CHAF1A: variants seen among roughly 807,000 people sequenced by gnomAD.
The protein encoded by CHAF1A is CAF-1 subunit A.
In CHAF1A, 5 loss-of-function variants were observed where a neutral mutation model predicts 93.2. The observed-to-expected ratio is 0.05, with a 90% CI of 0.03 to 0.11. The LOEUF (loss-of-function observed/expected upper bound fraction) is 0.11, where lower values mean the gene tolerates loss of function less well. Among genes scored for constraint, CHAF1A ranks in the 10% least tolerant of loss-of-function variants. The pLI is 1.00. For synonymous variants in CHAF1A, 504 were observed against 510.3 expected, an observed-to-expected ratio of 0.99 and a Z score of 0.17; for missense variants, 1,102 against 1,259.9, an observed-to-expected ratio of 0.87 and a Z score of 1.90.
At chr19:4,414,262 A>T (rs973867441) in intron 3 of CHAF1A, among the ~76,000 whole-genome samples, 1 of 152,030 alleles carries the variant, frequency 6.6e-6, no homozygotes, top group Non-Finnish European at 1.5e-5. Context: ...ATAGCGGGGC[A>T]TGGGGGTGCA....
intron 10 of CHAF1A, chr19:4,430,278 A>G: frequency 2.5e-6 from 1 of 395,010 alleles, no homozygotes; most frequent in South Asian, 2.4e-5. Flanking sequence ...CCCAGGCTCA[A>G]GTGATAGTCC....
intron 1 of CHAF1A, among the ~76,000 whole-genome samples, chr19:4,403,403 A>G (rs1209665921): frequency 1.3e-5 from 2 of 152,202 alleles, no homozygotes; most frequent in Non-Finnish European, 2.9e-5. Flanking sequence ...GCCTCCTGAA[A>G]CGTGGGAGGG....
rs765537540 is a variant in CHAF1A, at chr19:4,433,116, C to T, written c.2250C>T (p.Ser750=). Reference sequence around the variant, plus strand: ...TCCTGCACGGCAATGTGAACGGGAGCAAGGTCATCATCCGGGAGTTCCAGG... The same window carrying T: ...TCCTGCACGGCAATGTGAACGGGAGTAAGGTCATCATCCGGGAGTTCCAGG... ...LPLLHGNVNG[S]KVIIREFQEH... Residue 750 remains serine, a synonymous_variant, in exon 13 of 15, where the codon AGC becomes AGT. Transcript: ENST00000301280. This position sits in a 1 kb window ranked among gnomAD's most constrained non-coding sequence, Gnocchi z 5.6. The T allele has an allele frequency of 5.6e-6, 9 of 1,609,188 alleles. No homozygotes were observed. The Admixed American group carries it at 1.5e-4, about 27-fold the overall frequency.
chr19:4,413,545 G>T (rs1039029705), intron 3 of CHAF1A, among the ~76,000 whole-genome samples: 2 of 152,202 alleles, frequency 1.3e-5, no homozygotes, highest in Admixed American at 6.5e-5. Flanking sequence ...TCGCACTGCC[G>T]TGTAATCTGT....
chr19:4,446,728 T>C, downstream of CHAF1A: 2 of 1,608,508 alleles, frequency 1.2e-6, no homozygotes, highest in Non-Finnish European at 1.7e-6. Flanking sequence ...CTCTACAGCG[T>C]GGCAGGACAT....
chr19:4,430,586 A>C lies in CHAF1A; in HGVS notation c.1892A>C (p.Asp631Ala). The stretch of plus-strand genomic sequence containing the variant: ...GACATGGGAGAGGATGAAGATGAGG[A>C]CGATGGTTTCTTTGTGCCCCATGGG... The part of the protein sequence containing the change: ...DDDMGEDEDE[D>A]DGFFVPHGYL... Residue 631 changes from aspartate (D) to alanine (A), a missense_variant, in exon 11 of 15, where the codon GAC (aspartate) becomes GCC (alanine). Transcript: ENST00000301280. 6.2e-7 allele frequency: 1 copy of C among 1,613,100 alleles called. No homozygotes were observed. The highest frequency in any genetic ancestry group is 8.5e-7 in the Non-Finnish European group (1 of 1,179,512).
At chr19:4,447,978 C>G (rs949646646), downstream of CHAF1A, 1 of 501,362 alleles carries the variant, frequency 2.0e-6, no homozygotes, top group African/African-American at 1.9e-5. Context: ...GGTGCTCCCT[C>G]GGCGTTGGCG....
chr19:4,423,469 A>G lies in CHAF1A; in HGVS notation c.1308+74A>G, dbSNP rs1321966195. On this transcript the variant is annotated intron_variant, in intron 6 of 14. Coordinates refer to ENST00000301280, the MANE Select transcript of CHAF1A (RefSeq NM_005483.3). ...AGATGCCCAAAGTGGAATTCTTGCC[A>G]CAGCCGTCACCTAATATTCTCTTGG... 8.1e-6 allele frequency: 13 copies of G among 1,608,958 alleles called. No homozygotes were observed. The Admixed American group carries it at 2.0e-4, about 25-fold the overall frequency.
At chr19:4,430,915 G>A (rs1974170667) in intron 11 of CHAF1A, 2 of 453,388 alleles carry the variant, frequency 4.4e-6, no homozygotes, top group South Asian at 4.8e-5. Flanking sequence ...TGGGTTAGAA[G>A]GCTGGAAACC....
At position 4,433,365 on chromosome 19, in the gene CHAF1A, G is replaced by T. The variant is rs773301319; in HGVS notation, c.2499G>T (p.Leu833=). Residue 833 remains leucine, a synonymous_variant, in exon 13 of 15, where the codon CTG becomes CTT. Coordinates refer to ENST00000301280, the MANE Select transcript of CHAF1A (RefSeq NM_005483.3). The surrounding 1 kb of genome is among the most constrained non-coding windows in gnomAD (Gnocchi z 5.6). ...TACAGAGCTTCCAGCAGGAGCACCT[G>T]CCCGTGCCGTGCCAGTGGAGCTATG... ...QVLQSFQQEH[L]PVPCQWSYVT... is the part of the protein sequence containing the mutation. 1 of 1,613,144 alleles carries T rather than the reference G, an allele frequency of 6.2e-7. No homozygotes were observed. Among genetic ancestry groups the T allele is most frequent in the South Asian group, 1.1e-5 (1 of 91,078 alleles).
downstream of CHAF1A, chr19:4,446,080 TC>T (rs866743162): frequency 6.2e-7 from 1 of 1,612,550 alleles, no homozygotes; most frequent in African/African-American, 1.3e-5. Context: ...CAGGTTCTCG[TC>T]CTCGGACAGC....
At chr19:4,413,192 C>T (rs774875888) in intron 3 of CHAF1A, among the ~76,000 whole-genome samples, 6 of 152,148 alleles carry the variant, frequency 3.9e-5, no homozygotes, top group Non-Finnish European at 5.9e-5. Flanking sequence ...CTGTCTCAAC[C>T]TCCCAAGTAG....
chr19:4,446,149 C>A (rs770141698), downstream of CHAF1A: 3 of 1,610,984 alleles, frequency 1.9e-6, no homozygotes, highest in African/African-American at 1.3e-5. Context: ...CAGGGCCTCC[C>A]GGACGAACCC....
rs201852302 is a variant in CHAF1A at position 4,409,733 on chromosome 19, T to C, written c.934T>C (p.Phe312Leu). Residue 312 changes from phenylalanine (F) to leucine (L), a missense_variant, in exon 3 of 15, where the codon TTC (phenylalanine) becomes CTC (leucine). Phe to Leu is a conservative substitution (Grantham distance 22). Around this residue, in one of 6 missense-constraint regions of CHAF1A, gnomAD observed 379 missense variants for 365.7 expected, o/e 1.04. Coordinates refer to ENST00000301280, the MANE Select transcript of CHAF1A (RefSeq NM_005483.3). ...AAAGCAGCACAGCAGTACCAGTCCC[T>C]TCCCCACCTCCACGCCCCTCCGCAG... ...PPKQHSSTSP[F>L]PTSTPLRRIT... is the part of the protein sequence containing the mutation. 7.8e-5 allele frequency: 126 copies of C among 1,612,838 alleles called. No homozygotes were observed. The highest frequency in any genetic ancestry group is 2.8e-4 in the Admixed American group (17 of 59,964).
chr19:4,405,981 G>A lies in CHAF1A; in HGVS notation c.103+19G>A, dbSNP rs1973672958. ...ATACAAGGTAATTATTTGGAAATGG[G>A]TTAAAGAGTTGTTCGTAGTTTATAG... is the stretch of plus-strand genomic sequence containing the variant. On this transcript the variant is annotated intron_variant, in intron 2 of 14. Transcript: ENST00000301280. 1 of 1,599,552 alleles carries A rather than the reference G, an allele frequency of 6.3e-7. No homozygotes were observed. The highest frequency in any genetic ancestry group is 8.6e-7 in the Non-Finnish European group (1 of 1,166,908).
At chr19:4,415,554 G>T (rs531555423) in intron 3 of CHAF1A, among the ~76,000 whole-genome samples, 3 of 152,230 alleles carry the variant, frequency 2.0e-5, no homozygotes, top group African/African-American at 7.2e-5. Flanking sequence ...CCCTCAGCGT[G>T]GGGGAGAGGC....
intron 2 of CHAF1A, among the ~76,000 whole-genome samples, chr19:4,406,433 A>ATT (rs35200206): frequency 0.039 from 5,252 of 133,150 alleles, 349 homozygotes; most frequent in African/African-American, 0.13. Flanking sequence ...TTGGATTGTA[A>ATT]TTTTTTTTTT....
downstream of CHAF1A, chr19:4,446,301 C>T (rs556207850): frequency 1.4e-5 from 22 of 1,571,142 alleles, no homozygotes; most frequent in Middle Eastern, 3.3e-4. Context: ...AGGCAGCCAT[C>T]GGGGAGGCGC....
At chr19:4,429,637 G>A (rs540396065) in intron 9 of CHAF1A, 31 bp downstream of exon 9, 9 of 1,613,904 alleles carry the variant, frequency 5.6e-6, no homozygotes, top group African/African-American at 4.0e-5. Flanking sequence ...CTCCGTCCCC[G>A]TACCTCCTCA....
Sources: gnomAD v4.1 joint callset for allele counts (sites outside exome capture counted in the v4.1 genomes callset) on GRCh38, gnomAD v4.1.1 for gene constraint, gnomAD v4.1.1 regional missense constraint, Gnocchi (gnomAD v3.1) non-coding constraint, MANE v1.5 for transcripts, NCBI Gene and HGNC (gene_info 2026-07-23, HGNC 2026-07-21) for gene names.